Variants in WDR17 observed in about 807,000 individuals in gnomAD.
WDR17 encodes WD repeat-containing protein 17.
In WDR17, 143 loss-of-function variants were observed where a neutral mutation model predicts 161.7. The observed-to-expected ratio is 0.88, with a 90% CI of 0.77 to 1.02. The LOEUF (loss-of-function observed/expected upper bound fraction) is 1.02, where lower values mean the gene tolerates loss of function less well. WDR17 is among the 50% of genes least tolerant of loss of function. The pLI is 0.00. For synonymous variants in WDR17, 517 were observed against 515.6 expected (o/e 1.00, Z -0.04); for missense variants, 1,469 against 1,520.9 (o/e 0.97, Z 0.57).
chr4:176,160,438 CA>C (rs1417846460), intron 19 of WDR17, among the ~76,000 whole-genome samples: 1 of 152,214 alleles, frequency 6.6e-6, no homozygotes. Flanking sequence ...TCTCCTGCCT[CA>C]GCCTCCCGAG....
intron 9 of WDR17, 150 bp downstream of exon 9, chr4:176,137,761 C>T (rs966104684): frequency 2.3e-6 from 1 of 436,568 alleles, no homozygotes; most frequent in African/African-American, 2.1e-5. Flanking sequence ...AGAGAATACT[C>T]ACATACTAAA....
intron 1 of WDR17, among the ~76,000 whole-genome samples, chr4:176,078,370 C>T (rs1225251287): frequency 6.6e-6 from 1 of 151,960 alleles, no homozygotes; most frequent in Non-Finnish European, 1.5e-5. Flanking sequence ...TTACCTAAAC[C>T]GGGACTGAAG....
rs1242455947 is a variant in WDR17, at chr4:176,129,496, A to G, written c.913+636A>G. Among the ~76,000 whole-genome samples, 4 of 152,086 alleles carry G rather than the reference A, an allele frequency of 2.6e-5. No homozygotes were observed. In the East Asian group the frequency reaches 7.7e-4, roughly 29 times the overall value. ...AGAATTAGAATTTTTTTCAAATATA[A>G]GGGAAAAATAATAGACTTCCAGTTA... On this transcript the variant is annotated intron_variant, in intron 6 of 28. Coordinates refer to ENST00000508596, the MANE Select transcript of WDR17 (RefSeq NM_181265.4).
Position 176,163,260 on chromosome 4 carries a change from T to C in WDR17, c.2957T>C (p.Leu986Ser), listed in dbSNP as rs1319091647. The C allele has an allele frequency of 6.2e-7, 1 of 1,611,786 alleles. No homozygotes were observed. Among genetic ancestry groups the C allele is most frequent in the Non-Finnish European group, 8.5e-7 (1 of 1,179,286 alleles). The change falls in exon 22 of 29, where the codon TTA becomes TCA. Residue 986 changes from leucine to serine, a missense_variant. Transcript: ENST00000508596. ...AAPATHYALE[L>S]LARKCMMISV... ...CCAGCAACCCACTATGCCTTAGAAT[T>C]ACTGGCGAGAAAGTGCATGATGATT... is the stretch of plus-strand genomic sequence containing the variant.
chr4:176,177,444 A>G, intron 27 of WDR17, 27 bp from the exon 28 acceptor site: 1 of 1,506,866 alleles, frequency 6.6e-7, no homozygotes, highest in Non-Finnish European at 8.8e-7. Context: ...CGACAAAATG[A>G]AATTTTGATA....
intron 18 of WDR17, among the ~76,000 whole-genome samples, chr4:176,157,799 T>G (rs1422084053): frequency 6.6e-6 from 1 of 152,236 alleles, no homozygotes; most frequent in African/African-American, 2.4e-5. Context: ...GTTAGGTATC[T>G]GTGAGTTTAA....
At chr4:176,071,889 G>A (rs1733294679) in intron 1 of WDR17, among the ~76,000 whole-genome samples, 1 of 152,062 alleles carries the variant, frequency 6.6e-6, no homozygotes, top group African/African-American at 2.4e-5. Flanking sequence ...TCATCTTTCT[G>A]TATCTTTGAA....
intron 23 of WDR17, 131 bp downstream of exon 23, chr4:176,168,914 CAAA>C: frequency 1.0e-6 from 1 of 973,968 alleles, no homozygotes; most frequent in Non-Finnish European, 1.5e-6. Context: ...ACAAGTACAA[CAAA>C]AGTGTTGTAC....
At chr4:176,108,613 C>T (rs75989156) in intron 1 of WDR17, among the ~76,000 whole-genome samples, 1,773 of 152,018 alleles carry the variant, frequency 0.012, 18 homozygotes, top group Non-Finnish European at 0.019. Flanking sequence ...TCAGTTTTAA[C>T]ATGTGCCATC....
intron 1 of WDR17, among the ~76,000 whole-genome samples, chr4:176,067,772 C>T (rs996145314): frequency 2.6e-5 from 4 of 152,116 alleles, no homozygotes; most frequent in Non-Finnish European, 5.9e-5. Flanking sequence ...TATCTTGTAT[C>T]CTTTAGTCTG....
intron 1 of WDR17, chr4:176,111,349 T>G: frequency 3.2e-6 from 1 of 308,626 alleles, no homozygotes; most frequent in South Asian, 1.0e-4. Context: ...TGTCGTTCCT[T>G]CATTATCATA....
intron 7 of WDR17, among the ~76,000 whole-genome samples, chr4:176,133,542 G>A (rs559148531): frequency 1.3e-5 from 2 of 151,208 alleles, no homozygotes; most frequent in Non-Finnish European, 3.0e-5. Flanking sequence ...ACTAAAAGCC[G>A]CTTGATTATA....
intron 11 of WDR17, among the ~76,000 whole-genome samples, chr4:176,145,458 C>G (rs1425199300): frequency 6.6e-6 from 1 of 152,322 alleles, no homozygotes; most frequent in African/African-American, 2.4e-5. Flanking sequence ...TGGACTGTGA[C>G]TTCCTGTCCA....
chr4:176,151,551 A>G (rs1289695046), intron 16 of WDR17, among the ~76,000 whole-genome samples: 3 of 152,162 alleles, frequency 2.0e-5, no homozygotes, highest in Non-Finnish European at 2.9e-5. Flanking sequence ...TTGTAAAACA[A>G]TTTTTTTAAA....
At chr4:176,113,400 T>A (rs9993510) in intron 2 of WDR17, among the ~76,000 whole-genome samples, 40,293 of 151,900 alleles carry the variant, frequency 0.27, 5,604 homozygotes, top group African/African-American at 0.34. Context: ...ATGAATATTT[T>A]AAAATATTGA....
At position 176,171,482 on chromosome 4, in the gene WDR17, C is replaced by T. The variant is rs1719066174; in HGVS notation, c.3103-893C>T. On this transcript the variant is annotated intron_variant, in intron 23 of 28. Coordinates refer to ENST00000508596, the MANE Select transcript of WDR17 (RefSeq NM_181265.4). ...TATATATATGAGAGCCCCGTTAATT[C>T]AGTTTGTTGTAATTTGTTTGAGAGA... Among the ~76,000 whole-genome samples, 6 of 152,060 alleles carry T rather than the reference C, an allele frequency of 3.9e-5. No homozygotes were observed. In the South Asian group the frequency reaches 1.2e-3, roughly 32 times the overall value.
In WDR17 at chr4:176,177,758, A is replaced by C. The variant is rs112488197; in HGVS notation, c.3732+104A>C. The C allele has an allele frequency of 6.8e-4, 792 of 1,167,562 alleles. 3 individuals carry two copies. In the African/African-American group the frequency reaches 0.011, roughly 17 times the overall value. 72.3% of individuals were successfully genotyped at this position (1,167,562 alleles called of 1,614,324 possible). On this transcript the variant is annotated intron_variant, in intron 28 of 28. Transcript: ENST00000508596. ...TAATTTGGATAAAAGTAGGTAATTT[A>C]GGACTGGGGTCCAGTAAGGAAATAT...
chr4:176,112,946 C>A (rs1740011366), intron 2 of WDR17, among the ~76,000 whole-genome samples: 1 of 151,994 alleles, frequency 6.6e-6, no homozygotes, highest in Admixed American at 6.6e-5. Flanking sequence ...ATGCTTTATT[C>A]AAAATTTAAG....
At chr4:176,146,264 C>G in intron 12 of WDR17, 105 bp downstream of exon 12, 1 of 1,141,768 alleles carries the variant, frequency 8.8e-7, no homozygotes, top group East Asian at 2.8e-5. Flanking sequence ...TACAGAGTCT[C>G]CCTCTGTCAC....
Sources: allele counts gnomAD v4.1 joint callset (sites outside exome capture counted in the v4.1 genomes callset), GRCh38; gene constraint gnomAD v4.1.1; transcripts MANE v1.5; gene names NCBI Gene and HGNC (gene_info 2026-07-23, HGNC 2026-07-21).